The following EIPR1 variants were observed in gnomAD, a reference collection of about 807,000 sequenced individuals.
EIPR1 encodes EARP and GARP complex-interacting protein 1.
A neutral mutation model predicts 48.1 loss-of-function variants in EIPR1; 25 were observed. The ratio of observed to expected loss-of-function variants is 0.52; its 90% CI spans 0.38 to 0.73. EIPR1 has a LOEUF of 0.73. EIPR1 is among the 30% of genes least tolerant of loss of function. EIPR1 has a pLI of 0.00. For missense variants in EIPR1, 415 were observed against 506.2 expected, an observed-to-expected ratio of 0.82 and a Z score of 1.73; for synonymous variants, 204 against 201.9, an observed-to-expected ratio of 1.01 and a Z score of -0.09.
At chr2:3,238,093 C>T (rs1666474280) in intron 4 of EIPR1, among the ~76,000 whole-genome samples, 1 of 152,176 alleles carries the variant, frequency 6.6e-6, no homozygotes, top group African/African-American at 2.4e-5. Flanking sequence ...TGGCTGGACA[C>T]TGAAATGATC....
intron 3 of EIPR1, among the ~76,000 whole-genome samples, chr2:3,275,189 C>T (rs533227542): frequency 6.0e-5 from 9 of 150,710 alleles, no homozygotes; most frequent in African/African-American, 1.0e-4. Flanking sequence ...AACGTAATGA[C>T]ACAGGAAGGC....
chr2:3,333,357 C>T (rs1264686160), intron 3 of EIPR1, among the ~76,000 whole-genome samples: 1 of 152,078 alleles, frequency 6.6e-6, no homozygotes, highest in Non-Finnish European at 1.5e-5. Context: ...AAAGAAGAGC[C>T]GGGCCCTCCA....
intron 7 of EIPR1, among the ~76,000 whole-genome samples, chr2:3,193,540 T>C (rs550101809): frequency 6.6e-6 from 1 of 152,328 alleles, no homozygotes; most frequent in South Asian, 2.1e-4. Flanking sequence ...ATGAAAAACA[T>C]TCAAATAATA....
chr2:3,318,286 C>G (rs188267552), intron 3 of EIPR1, among the ~76,000 whole-genome samples: 1 of 152,208 alleles, frequency 6.6e-6, no homozygotes, highest in Admixed American at 6.5e-5. Flanking sequence ...TAAGCACCCC[C>G]TCGTGGGCTG....
intron 3 of EIPR1, among the ~76,000 whole-genome samples, chr2:3,303,629 G>A (rs954776870): frequency 2.0e-5 from 3 of 152,218 alleles, no homozygotes; most frequent in Non-Finnish European, 4.4e-5. Context: ...AATAACCTAG[G>A]AAATTTCCCC....
intron 4 of EIPR1, among the ~76,000 whole-genome samples, chr2:3,223,461 G>A (rs953271909): frequency 2.1e-4 from 32 of 152,318 alleles, no homozygotes; most frequent in Admixed American, 1.4e-3. Flanking sequence ...GTGTGCTGAC[G>A]AAGGAGGAGG....
chr2:3,241,493 G>A (rs1034071543), intron 4 of EIPR1, among the ~76,000 whole-genome samples: 1 of 152,224 alleles, frequency 6.6e-6, no homozygotes, highest in African/African-American at 2.4e-5. Flanking sequence ...CCATCACCAT[G>A]AAACTAGTGC....
At chr2:3,369,592 C>G (rs565943861) in intron 1 of EIPR1, among the ~76,000 whole-genome samples, 21 of 152,250 alleles carry the variant, frequency 1.4e-4, no homozygotes, top group African/African-American at 3.4e-4. Context: ...TATCCCACAC[C>G]TGGCTCGGAG....
intron 3 of EIPR1, among the ~76,000 whole-genome samples, chr2:3,262,702 G>A (rs575553099): frequency 2.0e-5 from 3 of 152,278 alleles, no homozygotes; most frequent in South Asian, 2.1e-4. Flanking sequence ...ACGTGGTCCC[G>A]GGGTTCTGGA....
At chr2:3,218,910 C>T (rs1434383102) in intron 4 of EIPR1, among the ~76,000 whole-genome samples, 9 of 143,372 alleles carry the variant, frequency 6.3e-5, no homozygotes, top group South Asian at 2.4e-4. Flanking sequence ...ACACCCAACA[C>T]GGCCCCGATA....
At chr2:3,224,394 C>T (rs1029802243) in intron 4 of EIPR1, among the ~76,000 whole-genome samples, 1 of 152,198 alleles carries the variant, frequency 6.6e-6, no homozygotes, top group African/African-American at 2.4e-5. Context: ...CCTTACTTTA[C>T]ACCTTAGGTT....
intron 3 of EIPR1, among the ~76,000 whole-genome samples, chr2:3,306,681 TATTC>T (rs2103302547): frequency 1.3e-5 from 2 of 152,332 alleles, no homozygotes; most frequent in South Asian, 4.1e-4. Flanking sequence ...ATATATTGAC[TATTC>T]ATTAAGTGGA....
At chr2:3,208,537 A>G in intron 5 of EIPR1, 1 of 1,547,990 alleles carries the variant, frequency 6.5e-7, no homozygotes, top group South Asian at 1.2e-5. Context: ...GACTACTTAA[A>G]AATAGTGAGA....
intron 3 of EIPR1, among the ~76,000 whole-genome samples, chr2:3,336,494 G>A (rs931803270): frequency 2.6e-5 from 4 of 152,294 alleles, no homozygotes; most frequent in Non-Finnish European, 4.4e-5. Flanking sequence ...AGGGCCGGGC[G>A]CAGTGGCTCA....
At chr2:3,343,902 T>C (rs1670326543) in intron 2 of EIPR1, among the ~76,000 whole-genome samples, 1 of 151,890 alleles carries the variant, frequency 6.6e-6, no homozygotes, top group African/African-American at 2.4e-5. Context: ...CTCTTGAGAA[T>C]TGAAAAAACA....
chr2:3,214,526 T>C lies in EIPR1; in HGVS notation c.417-278A>G, dbSNP rs545234537. 12 of 292,026 alleles carry C rather than the reference T, an allele frequency of 4.1e-5. No individual in the cohort carries two copies. The East Asian group carries it at 8.7e-4, about 21-fold the overall frequency. 18.1% of individuals were successfully genotyped at this position (292,026 alleles called of 1,614,324 possible). On this transcript the variant is annotated intron_variant, in intron 4 of 8. Coordinates refer to ENST00000382125, the MANE Select transcript of EIPR1 (RefSeq NM_003310.5). ...GAGGTTCGTCAATGTACACAGGGGC[T>C]ATGTCCTCACATCCGTCGTAAGTTT...
At chr2:3,295,380 A>C in intron 3 of EIPR1, among the ~76,000 whole-genome samples, 1 of 91,412 alleles carries the variant, frequency 1.1e-5, no homozygotes. Context: ...CACACCCTCC[A>C]TCCAGGCTAT....
chr2:3,223,019 T>C (rs1665946708), intron 4 of EIPR1, among the ~76,000 whole-genome samples: 1 of 152,196 alleles, frequency 6.6e-6, no homozygotes, highest in African/African-American at 2.4e-5. Flanking sequence ...CAGAAGAATC[T>C]GAGCCCAGGA....
chr2:3,249,386 T>C (rs1268478725), intron 4 of EIPR1, among the ~76,000 whole-genome samples: 3 of 152,142 alleles, frequency 2.0e-5, no homozygotes, highest in Admixed American at 6.5e-5. Flanking sequence ...CTAGAGTATC[T>C]GGCAGAAGAC....
Sources: gnomAD v4.1 joint callset for allele counts (sites outside exome capture counted in the v4.1 genomes callset) on GRCh38, gnomAD v4.1.1 for gene constraint, MANE v1.5 for transcripts, NCBI Gene and HGNC (gene_info 2026-07-23, HGNC 2026-07-21) for gene names.